LINGO2: variants seen among roughly 807,000 people sequenced by gnomAD.
LINGO2 encodes the protein leucine rich repeat and Ig domain containing 2, also known as leucine-rich repeat and immunoglobulin-like domain-containing nogo receptor-interacting protein 2.
Under a neutral mutation model 30.6 loss-of-function variants are expected in LINGO2, and 14 were observed. The ratio of observed to expected loss-of-function variants is 0.46; its 90% CI spans 0.30 to 0.72. The LOEUF (loss-of-function observed/expected upper bound fraction) is 0.72, where lower values mean the gene tolerates loss of function less well. Among genes scored for constraint, LINGO2 ranks in the 30% least tolerant of loss-of-function variants. The pLI, the probability that LINGO2 is intolerant of heterozygous loss-of-function variation, is 0.07. For missense variants in LINGO2, 729 were observed against 751.7 expected (o/e 0.97, Z 0.35); for synonymous variants, 317 against 288.5 (o/e 1.10, Z -1.00).
At chr9:28,002,399 C>T (rs1220601359) in intron 5 of LINGO2, among the ~76,000 whole-genome samples, 1 of 152,040 alleles carries the variant, frequency 6.6e-6, no homozygotes, top group Non-Finnish European at 1.5e-5. Context: ...TCTAATAGTG[C>T]CAATTTATTT....
intron 4 of LINGO2, among the ~76,000 whole-genome samples, chr9:28,102,167 GA>G (rs1487686782): frequency 7.8e-6 from 1 of 128,490 alleles, no homozygotes; most frequent in African/African-American, 3.1e-5. Flanking sequence ...GCAGCCCTGG[GA>G]AAGGCTGTAT....
chr9:28,800,787 G>C, the LINGO2 span, among the ~76,000 whole-genome samples: 1 of 152,148 alleles, frequency 6.6e-6, no homozygotes, highest in African/African-American at 2.4e-5. Flanking sequence ...TCTATGCATA[G>C]AGACAATAAT....
chr9:29,003,410 T>C, the LINGO2 span, among the ~76,000 whole-genome samples: 16 of 151,930 alleles, frequency 1.1e-4, no homozygotes, highest in Non-Finnish European at 1.8e-4. Context: ...GAACCAGGAA[T>C]TTCTACCACT....
chr9:27,981,534 C>CAAAAA lies in LINGO2; in HGVS notation c.-36+30816_-36+30820dup, dbSNP rs763284293. Among the ~76,000 whole-genome samples, 190 of 39,822 alleles carry CAAAAA rather than the reference C, an allele frequency of 4.8e-3. 7 individuals carry two copies. The highest frequency in any genetic ancestry group is 0.012 in the African/African-American group (136 of 11,816). The allele number at this position is 39,822 out of a possible 152,430, so 26.1% of individuals were successfully genotyped here. On this transcript the variant is annotated intron_variant, in intron 5 of 5. Coordinates refer to ENST00000379992, the Ensembl canonical transcript of LINGO2. ...ATGAAAGGATAAATGACGAGGATGG[C>CAAAAA]AAAAAAAAAAAAAAAAGAAAAAAAA...
At chr9:28,654,522 T>G (rs1181165213) in intron 1 of LINGO2, among the ~76,000 whole-genome samples, 1 of 152,084 alleles carries the variant, frequency 6.6e-6, no homozygotes, top group Admixed American at 6.6e-5. Flanking sequence ...CTCAACTTTA[T>G]TCCTAAATTG....
At chr9:28,937,024 A>T in the LINGO2 span, among the ~76,000 whole-genome samples, 3 of 152,210 alleles carry the variant, frequency 2.0e-5, no homozygotes, top group Admixed American at 2.0e-4. Context: ...GTATTGGATT[A>T]ACAGTATTGG....
intron 1 of LINGO2, among the ~76,000 whole-genome samples, chr9:28,619,346 C>A (rs1826287775): frequency 6.6e-6 from 1 of 151,988 alleles, no homozygotes; most frequent in African/African-American, 2.4e-5. Context: ...TTCGACAAAA[C>A]AAAGAAGCAG....
intron 1 of LINGO2, among the ~76,000 whole-genome samples, chr9:28,493,582 A>G (rs1826485322): frequency 6.6e-6 from 1 of 152,300 alleles, no homozygotes; most frequent in Non-Finnish European, 1.5e-5. Context: ...AAAAATCATG[A>G]AACAAACAAA....
At chr9:27,938,790 T>C in the LINGO2 span, 1 of 152,206 alleles carries the variant, frequency 6.6e-6, no homozygotes, top group Non-Finnish European at 1.5e-5. Flanking sequence ...GACGGGCAGC[T>C]CGATTACTAT....
At chr9:28,847,791 CAT>C in the LINGO2 span, among the ~76,000 whole-genome samples, 1 of 43,354 alleles carries the variant, frequency 2.3e-5, no homozygotes, top group Non-Finnish European at 5.3e-5. Flanking sequence ...TATATATACA[CAT>C]ATATGTATAG....
At chr9:28,390,101 T>C (rs1462480898) in intron 2 of LINGO2, among the ~76,000 whole-genome samples, 1 of 152,192 alleles carries the variant, frequency 6.6e-6, no homozygotes, top group Admixed American at 6.5e-5. Flanking sequence ...CTGTAATTCT[T>C]ACAATGCTTC....
At chr9:28,406,835 C>T (rs1217963412) in intron 2 of LINGO2, among the ~76,000 whole-genome samples, 1 of 152,154 alleles carries the variant, frequency 6.6e-6, no homozygotes, top group African/African-American at 2.4e-5. Flanking sequence ...ATTCATTCTT[C>T]CCACCAACAT....
chr9:28,126,001 T>G (rs1200564554), intron 4 of LINGO2, among the ~76,000 whole-genome samples: 1 of 152,184 alleles, frequency 6.6e-6, no homozygotes, highest in Non-Finnish European at 1.5e-5. Flanking sequence ...ATCATTCAAA[T>G]TAATCTTAAC....
intron 4 of LINGO2, among the ~76,000 whole-genome samples, chr9:28,172,045 A>AAC (rs1554682049): frequency 1.4e-4 from 20 of 140,966 alleles, no homozygotes; most frequent in African/African-American, 4.6e-4. Flanking sequence ...AAAAAAAAAA[A>AAC]CCCAGCATCT....
intron 2 of LINGO2, among the ~76,000 whole-genome samples, chr9:28,472,395 ATT>A (rs1825557680): frequency 6.6e-6 from 1 of 151,910 alleles, no homozygotes; most frequent in Non-Finnish European, 1.5e-5. Context: ...GTTAACACAG[ATT>A]ATCAAAATAT....
At chr9:28,705,163 C>T in the LINGO2 span, among the ~76,000 whole-genome samples, 2 of 152,000 alleles carry the variant, frequency 1.3e-5, no homozygotes, top group Admixed American at 6.6e-5. Flanking sequence ...GCAATCCACC[C>T]GTCTCAGCCT....
intron 1 of LINGO2, among the ~76,000 whole-genome samples, chr9:28,609,834 A>C (rs1193908599): frequency 6.6e-6 from 1 of 152,128 alleles, no homozygotes; most frequent in Admixed American, 6.6e-5. Flanking sequence ...AACCCTAGGA[A>C]AATTCTAAAA....
the LINGO2 span, among the ~76,000 whole-genome samples, chr9:28,906,945 C>A: frequency 6.6e-6 from 1 of 151,900 alleles, no homozygotes; most frequent in African/African-American, 2.4e-5. Flanking sequence ...ACCTAACCCA[C>A]TTTGGAAACT....
At chr9:28,721,380 T>A in the LINGO2 span, among the ~76,000 whole-genome samples, 1 of 152,230 alleles carries the variant, frequency 6.6e-6, no homozygotes, top group Non-Finnish European at 1.5e-5. Flanking sequence ...TGCAGCACTA[T>A]CAACAATAGC....
Sources: allele counts gnomAD v4.1 joint callset (sites outside exome capture counted in the v4.1 genomes callset), GRCh38; gene constraint gnomAD v4.1.1; transcripts MANE v1.5; gene names NCBI Gene and HGNC (gene_info 2026-07-23, HGNC 2026-07-21).